Variants in JPH3 observed in about 807,000 individuals in gnomAD.
The protein encoded by JPH3 is junctophilin-3.
A neutral mutation model predicts 59.6 loss-of-function variants in JPH3; 11 were observed. The ratio of observed to expected loss-of-function variants is 0.18; its 90% CI spans 0.12 to 0.31. The LOEUF (loss-of-function observed/expected upper bound fraction) is 0.31. Ranked by LOEUF, JPH3 falls within the 10% of genes least tolerant of loss-of-function variation. JPH3 has a pLI of 1.00. For missense variants in JPH3, 1,202 were observed against 1,105.7 expected, an observed-to-expected ratio of 1.09 and a Z score of -1.24; for synonymous variants, 673 against 483.6, an observed-to-expected ratio of 1.39 and a Z score of -5.14.
intron 1 of JPH3, among the ~76,000 whole-genome samples, chr16:87,612,861 A>G (rs1452295055): frequency 6.6e-6 from 1 of 151,694 alleles, no homozygotes; most frequent in Non-Finnish European, 1.5e-5. Context: ...TACTAAAAAT[A>G]CAAAAAAAAT....
intron 2 of JPH3, among the ~76,000 whole-genome samples, chr16:87,649,096 G>A (rs1315426661): frequency 6.6e-6 from 1 of 152,222 alleles, no homozygotes; most frequent in African/African-American, 2.4e-5. Context: ...GGTGGTTCCA[G>A]GAGGTTCCGT....
chr16:87,604,878 C>T (rs1567578592), intron 1 of JPH3: 2 of 405,918 alleles, frequency 4.9e-6, no homozygotes, highest in South Asian at 3.5e-5. Context: ...TTTTCTGTGC[C>T]GTTGTTGTTT....
At chr16:87,645,314 A>C (rs2032109915) in intron 2 of JPH3, among the ~76,000 whole-genome samples, 1 of 152,158 alleles carries the variant, frequency 6.6e-6, no homozygotes, top group Non-Finnish European at 1.5e-5. Context: ...CTATATGCTG[A>C]TGTTTAGTGT....
chr16:87,685,134 G>C (rs1318180780), intron 3 of JPH3, among the ~76,000 whole-genome samples: 4 of 152,204 alleles, frequency 2.6e-5, no homozygotes, highest in Non-Finnish European at 4.4e-5. Flanking sequence ...AGCCCAGCCT[G>C]GGGGCTGCGG....
chr16:87,603,474 A>G lies in JPH3; in HGVS notation c.328A>G (p.Thr110Ala). ...GGGCAACGGGGCCAAATACGAAGGG[A>G]CCTGGAGCAACGGGCTGCAGGACGG... ...CAGNGAKYEGTWSNGLQDGYG... is the reference protein window; with the variant it reads ...CAGNGAKYEGAWSNGLQDGYG... The change falls in exon 1 of 5, where the codon ACC (threonine) becomes GCC (alanine). Residue 110 changes from threonine to alanine, a missense_variant. By Grantham distance (58) the Thr-to-Ala change is moderately conservative. Coordinates refer to ENST00000284262, the MANE Select transcript of JPH3 (RefSeq NM_020655.4). 1 of 1,557,064 alleles carries G rather than the reference A, an allele frequency of 6.4e-7. No individual in the cohort carries two copies. The highest frequency in any genetic ancestry group is 8.7e-7 in the Non-Finnish European group (1 of 1,151,220).
At chr16:87,628,124 G>C (rs1055777020) in intron 1 of JPH3, among the ~76,000 whole-genome samples, 2 of 152,252 alleles carry the variant, frequency 1.3e-5, no homozygotes, top group Non-Finnish European at 2.9e-5. Context: ...GCAAGGGACA[G>C]TTCCTGCTCT....
intron 1 of JPH3, among the ~76,000 whole-genome samples, chr16:87,643,677 G>T (rs2032031946): frequency 6.6e-6 from 1 of 152,150 alleles, no homozygotes; most frequent in African/African-American, 2.4e-5. Context: ...TCCTCACTCT[G>T]CACCACAGAC....
intron 2 of JPH3, among the ~76,000 whole-genome samples, chr16:87,658,656 G>A (rs571897292): frequency 7.2e-5 from 11 of 152,342 alleles, no homozygotes; most frequent in South Asian, 2.1e-4. Flanking sequence ...AGGTGACACC[G>A]TGTGGGCATT....
At chr16:87,677,209 CACACACACACACACACAA>C in intron 2 of JPH3, among the ~76,000 whole-genome samples, 1 of 123,456 alleles carries the variant, frequency 8.1e-6, no homozygotes, top group South Asian at 2.9e-4. Context: ...CACACACACA[CACACACACACACACACAA>C]AAAAAAAAAT....
chr16:87,662,119 A>C (rs1346968273), intron 2 of JPH3, among the ~76,000 whole-genome samples: 1 of 152,174 alleles, frequency 6.6e-6, no homozygotes, highest in Admixed American at 6.5e-5. Context: ...TCATCCCTCA[A>C]GAGGGATCCG....
At chr16:87,657,110 G>C (rs1323406324) in intron 2 of JPH3, among the ~76,000 whole-genome samples, 1 of 152,166 alleles carries the variant, frequency 6.6e-6, no homozygotes, top group Non-Finnish European at 1.5e-5. Flanking sequence ...ACTCAGCCTG[G>C]AGCACCTGGT....
chr16:87,678,470 AAG>A (rs985983325), intron 2 of JPH3, among the ~76,000 whole-genome samples: 83 of 151,868 alleles, frequency 5.5e-4, no homozygotes, highest in Middle Eastern at 3.4e-3. Context: ...ACCTGTGAGA[AAG>A]AGGTTGCAGT....
intron 2 of JPH3, among the ~76,000 whole-genome samples, chr16:87,663,411 G>A (rs540325266): frequency 6.7e-6 from 1 of 150,074 alleles, no homozygotes; most frequent in South Asian, 2.1e-4. Flanking sequence ...CCTGGCCAAG[G>A]TTAATTTCTT....
At chr16:87,645,072 C>T (rs2150846210) in intron 2 of JPH3, 37 bp downstream of exon 2, 4 of 1,566,934 alleles carry the variant, frequency 2.6e-6, no homozygotes, top group East Asian at 2.2e-5. Flanking sequence ...CTTCTTGGTG[C>T]CCAGAAGGTG....
At chr16:87,641,130 G>T (rs2031936626) in intron 1 of JPH3, among the ~76,000 whole-genome samples, 1 of 152,234 alleles carries the variant, frequency 6.6e-6, no homozygotes, top group South Asian at 2.1e-4. Flanking sequence ...ACTGCCCCCA[G>T]TGCTGGGACC....
At chr16:87,634,526 C>A (rs1301091037) in intron 1 of JPH3, among the ~76,000 whole-genome samples, 6 of 152,238 alleles carry the variant, frequency 3.9e-5, no homozygotes, top group Non-Finnish European at 8.8e-5. Flanking sequence ...TGCGTCCCTG[C>A]CTCCAGGTGG....
At chr16:87,632,127 C>G (rs1234513330) in intron 1 of JPH3, among the ~76,000 whole-genome samples, 3 of 152,206 alleles carry the variant, frequency 2.0e-5, no homozygotes, top group East Asian at 3.8e-4. Flanking sequence ...GCAGCCTTCG[C>G]TTCTGGCTAC....
intron 2 of JPH3, among the ~76,000 whole-genome samples, chr16:87,656,248 C>T (rs1307941937): frequency 6.6e-6 from 1 of 152,206 alleles, no homozygotes; most frequent in Non-Finnish European, 1.5e-5. Flanking sequence ...CTGTTCCTTC[C>T]AGCCGAACCC....
In JPH3 at chr16:87,696,904, G is replaced by A; in HGVS notation, c.*244G>A. ...TCTGCTGTGTGGCATGGCAGAAGGAGGCCAGCACGCAGCCCCTCCAGCTCC... is the reference window on the plus strand; with the variant it reads ...TCTGCTGTGTGGCATGGCAGAAGGAAGCCAGCACGCAGCCCCTCCAGCTCC... On this transcript the variant is annotated 3_prime_UTR_variant, in exon 5 of 5. Transcript: ENST00000284262. 1 of 489,434 alleles carries A rather than the reference G, an allele frequency of 2.0e-6. No homozygotes were observed. The highest frequency in any genetic ancestry group is 3.3e-5 in the Admixed American group (1 of 30,580). The allele number at this position is 489,434 out of a possible 1,614,324, so 30.3% of individuals were successfully genotyped here.
Sources: allele counts gnomAD v4.1 joint callset (sites outside exome capture counted in the v4.1 genomes callset), GRCh38; gene constraint gnomAD v4.1.1; transcripts MANE v1.5; gene names NCBI Gene and HGNC (gene_info 2026-07-23, HGNC 2026-07-21).